The following ATRN variants were observed in gnomAD, a reference collection of about 807,000 sequenced individuals.
The protein encoded by ATRN is attractin-2.
ATRN carries 54 observed loss-of-function variants against 178.7 expected under a neutral mutation model. That is an observed-to-expected ratio of 0.30 (90% CI 0.24 to 0.38). ATRN has a LOEUF of 0.38. Ranked by LOEUF, ATRN falls within the 10% of genes least tolerant of loss-of-function variation. ATRN has a pLI of 1.00. For missense variants in ATRN, 1,443 were observed against 1,815.1 expected (o/e 0.79, Z 3.73); for synonymous variants, 636 against 663.0 (o/e 0.96, Z 0.63).
chr20:3,631,365 G>T (rs146915157), intron 25 of ATRN, among the ~76,000 whole-genome samples: 38 of 152,274 alleles, frequency 2.5e-4, no homozygotes, highest in African/African-American at 8.9e-4. Flanking sequence ...CAAAAGTCGG[G>T]GGGAAATTCG....
chr20:3,552,930 A>G (rs2085809937), intron 6 of ATRN, among the ~76,000 whole-genome samples: 2 of 152,174 alleles, frequency 1.3e-5, no homozygotes, highest in African/African-American at 4.8e-5. Flanking sequence ...GTCTGCTAGC[A>G]GGATGGATGT....
At chr20:3,625,078 A>G (rs1432461933) in intron 25 of ATRN, among the ~76,000 whole-genome samples, 1 of 152,220 alleles carries the variant, frequency 6.6e-6, no homozygotes, top group Non-Finnish European at 1.5e-5. Context: ...AAATAATTGA[A>G]AAAGACAAAA....
At chr20:3,576,695 G>GTCTGTCTGTCTATCTATCTATCTA (rs11472378) in intron 13 of ATRN, among the ~76,000 whole-genome samples, 164 bp from the exon 14 acceptor site, 2,381 of 142,330 alleles carry the variant, frequency 0.017, 30 homozygotes, top group East Asian at 0.057. Flanking sequence ...CTGTCTGTCT[G>GTCTGTCTGTCTATCTATCTATCTA]TCTATCTATC....
intron 1 of ATRN, among the ~76,000 whole-genome samples, chr20:3,520,103 C>T (rs747846093): frequency 6.6e-6 from 1 of 152,012 alleles, no homozygotes; most frequent in Non-Finnish European, 1.5e-5. Context: ...TGAGGTTGGG[C>T]TGGGAATATA....
At chr20:3,633,139 A>C (rs1568775469) in intron 25 of ATRN, among the ~76,000 whole-genome samples, 1 of 136,452 alleles carries the variant, frequency 7.3e-6, no homozygotes, top group Non-Finnish European at 1.6e-5. Context: ...TGTCTCAAAA[A>C]AAAGACAATG....
At chr20:3,590,539 T>A (rs2086426770) in intron 18 of ATRN, among the ~76,000 whole-genome samples, 1 of 152,106 alleles carries the variant, frequency 6.6e-6, no homozygotes, top group Admixed American at 6.5e-5. Flanking sequence ...CCATTAGGAG[T>A]CTTAGTAATC....
intron 25 of ATRN, among the ~76,000 whole-genome samples, chr20:3,633,268 A>G (rs1473054017): frequency 6.6e-6 from 1 of 152,222 alleles, no homozygotes; most frequent in East Asian, 1.9e-4. Flanking sequence ...GCCTGTTGTC[A>G]GGGCACCCAT....
intron 23 of ATRN, among the ~76,000 whole-genome samples, chr20:3,602,604 G>A (rs886794168): frequency 6.6e-6 from 1 of 152,092 alleles, no homozygotes; most frequent in Non-Finnish European, 1.5e-5. Context: ...TCAATGAGGA[G>A]GGACTTTTAA....
intron 25 of ATRN, among the ~76,000 whole-genome samples, chr20:3,627,597 T>G (rs2086952513): frequency 6.6e-6 from 1 of 152,140 alleles, no homozygotes; most frequent in Non-Finnish European, 1.5e-5. Context: ...AGAGAAGGTA[T>G]ATGGTATATG....
intron 1 of ATRN, among the ~76,000 whole-genome samples, chr20:3,482,391 T>C (rs141789511): frequency 4.1e-4 from 62 of 152,350 alleles, no homozygotes; most frequent in Non-Finnish European, 6.5e-4. Context: ...TTCATAAATA[T>C]GTGCTTTCAC....
chr20:3,561,411 AGTAT>A (rs2085951592), intron 8 of ATRN, among the ~76,000 whole-genome samples: 1 of 152,226 alleles, frequency 6.6e-6, no homozygotes. Flanking sequence ...GCTCCTATGT[AGTAT>A]GTATTTGTTA....
rs1051667969 is a variant in ATRN, at chr20:3,650,502, C to T, written c.*3655C>T. On this transcript the variant is annotated 3_prime_UTR_variant, in exon 29 of 29. Transcript: ENST00000262919. Reference sequence around the variant, plus strand: ...AGCCAGGACGGCAGAGGCCTCCTGGCCTCAGGGCATGCCCTGCCTACCTTC... The same window carrying T: ...AGCCAGGACGGCAGAGGCCTCCTGGTCTCAGGGCATGCCCTGCCTACCTTC... 5 of 152,454 alleles carry T rather than the reference C, an allele frequency of 3.3e-5. No homozygotes were observed. Among genetic ancestry groups the T allele is most frequent in the South Asian group, 2.1e-4 (1 of 4,824 alleles). 9.4% of individuals were successfully genotyped at this position (152,454 alleles called of 1,614,324 possible). A position where few individuals can be genotyped will look rare whatever the true frequency, so the allele number is the denominator to read the frequency against.
chr20:3,590,045 G>T (rs529790177), intron 18 of ATRN, among the ~76,000 whole-genome samples: 58 of 152,254 alleles, frequency 3.8e-4, no homozygotes, highest in African/African-American at 1.3e-3. Flanking sequence ...TGCCTCCCGG[G>T]TTCAAGCGGT....
intron 24 of ATRN, among the ~76,000 whole-genome samples, chr20:3,615,299 T>G (rs557003547): frequency 1.3e-5 from 2 of 151,448 alleles, no homozygotes; most frequent in African/African-American, 2.4e-5. Context: ...CGTGGTGAAG[T>G]GTTCCTGTAG....
At position 3,471,350 on chromosome 20, in the gene ATRN, C is replaced by G. The variant is rs919346756; in HGVS notation, c.243C>G (p.Ala81=). Residue 81 remains alanine, a synonymous_variant, in exon 1 of 29, where the codon GCC becomes GCG. Coordinates refer to ENST00000262919, the MANE Select transcript of ATRN (RefSeq NM_139321.3). The part of the protein sequence containing the change: ...PLLLLLLPCE[A]EAAAAAAAVS... ...TGCTGCTGCTGCTGCCCTGTGAGGCCGAGGCCGCGGCGGCGGCGGCGGCGG... is the reference window on the plus strand; with the variant it reads ...TGCTGCTGCTGCTGCCCTGTGAGGCGGAGGCCGCGGCGGCGGCGGCGGCGG... 1 of 1,486,416 alleles carries G rather than the reference C, an allele frequency of 6.7e-7. No individual in the cohort carries two copies. Among genetic ancestry groups the G allele is most frequent in the African/African-American group, 1.5e-5 (1 of 68,136 alleles). The allele number at this position is 1,486,416 out of a possible 1,614,324, so 92.1% of individuals were successfully genotyped here. A position where few individuals can be genotyped will look rare whatever the true frequency, so the allele number is the denominator to read the frequency against.
In ATRN at chr20:3,584,816, C is replaced by T. The variant is rs202072510; in HGVS notation, c.3120C>T (p.Pro1040=). 414 of 1,614,142 alleles carry T rather than the reference C, an allele frequency of 2.6e-4. 1 individual carries two copies. Among genetic ancestry groups the T allele is most frequent in the Non-Finnish European group, 2.4e-5 (28 of 1,180,014 alleles). The change falls in exon 18 of 29, where the codon CCC becomes CCT. Residue 1040 remains proline, a synonymous_variant. Coordinates refer to ENST00000262919, the MANE Select transcript of ATRN (RefSeq NM_139321.3). ...QAPTGNFYPQ[P]LLNSSMCLED... The stretch of plus-strand genomic sequence containing the variant: ...CTACAGGAAATTTCTATCCACAGCC[C>T]CTGCTCAATTCCAGCATGTGTCTAG...
chr20:3,509,043 A>G (rs73893008), intron 1 of ATRN, among the ~76,000 whole-genome samples: 7,828 of 152,246 alleles, frequency 0.051, 606 homozygotes, highest in African/African-American at 0.17. Flanking sequence ...AATAATAAGA[A>G]TATTTAATCC....
intron 1 of ATRN, among the ~76,000 whole-genome samples, chr20:3,516,713 G>A (rs535575357): frequency 1.4e-4 from 22 of 152,160 alleles, no homozygotes; most frequent in African/African-American, 4.8e-4. Context: ...AGCCTGCTGC[G>A]GGGCCCTACA....
rs75131143 is a variant in ATRN, at chr20:3,632,698, C to A, written c.3864-1613C>A. Among the ~76,000 whole-genome samples, 18,988 of 152,228 alleles carry A rather than the reference C, an allele frequency of 0.12. 1,475 individuals are homozygous for A. The highest frequency in any genetic ancestry group is 0.17 in the Non-Finnish European group (11,896 of 68,004). On this transcript the variant is annotated intron_variant, in intron 25 of 28. Transcript: ENST00000262919. This position sits in a 1 kb window ranked among gnomAD's most constrained non-coding sequence, Gnocchi z 4.2. ...CATCTTTTTATTTCTGTAGCACTTACCTACCTTTTGGCATGCTCTGTAATT... is the reference window on the plus strand; with the variant it reads ...CATCTTTTTATTTCTGTAGCACTTAACTACCTTTTGGCATGCTCTGTAATT...
Sources: gnomAD v4.1 joint callset for allele counts (sites outside exome capture counted in the v4.1 genomes callset) on GRCh38, gnomAD v4.1.1 for gene constraint, Gnocchi (gnomAD v3.1) non-coding constraint, MANE v1.5 for transcripts, NCBI Gene and HGNC (gene_info 2026-07-23, HGNC 2026-07-21) for gene names.